ZNF600: variants seen among roughly 807,000 people sequenced by gnomAD.
The protein encoded by ZNF600 is zinc finger protein KR-ZNF1.
In ZNF600, 4 loss-of-function variants were observed where a neutral mutation model predicts 7.3. The observed-to-expected ratio is 0.55, with a 90% confidence interval of 0.27 to 1.25. ZNF600 has a LOEUF of 1.25. ZNF600 is among the 50% of genes most tolerant of loss of function. ZNF600 has a pLI of 0.12. For missense variants in ZNF600, 911 were observed against 922.1 expected, an observed-to-expected ratio of 0.99 and a Z score of 0.16; for synonymous variants, 290 against 308.9, an observed-to-expected ratio of 0.94 and a Z score of 0.64.
the ZNF600 span, chr19:52,810,741 A>C: frequency 1.5e-6 from 1 of 685,024 alleles, no homozygotes; most frequent in African/African-American, 2.0e-5. Context: ...GAGGAAAAAA[A>C]GAGGAAAGAA....
At chr19:52,831,787 T>G in the ZNF600 span, among the ~76,000 whole-genome samples, 1 of 151,826 alleles carries the variant, frequency 6.6e-6, no homozygotes, top group Non-Finnish European at 1.5e-5. Flanking sequence ...TACAGGCATG[T>G]GCCACTGCTC....
chr19:52,787,285 A>G (rs187274687), upstream of ZNF600, among the ~76,000 whole-genome samples: 13 of 151,938 alleles, frequency 8.6e-5, no homozygotes, highest in African/African-American at 2.4e-4. Flanking sequence ...GGTCCCAGCT[A>G]CTCAGGAAGC....
chr19:52,788,979 G>A (rs920452346), upstream of ZNF600, among the ~76,000 whole-genome samples: 4 of 152,184 alleles, frequency 2.6e-5, no homozygotes, highest in African/African-American at 4.8e-5. Context: ...TCTGCTCTCC[G>A]CTTGGGGACT....
At chr19:52,781,926 G>C (rs1258304380) in intron 1 of ZNF600, among the ~76,000 whole-genome samples, 2 of 152,174 alleles carry the variant, frequency 1.3e-5, no homozygotes, top group East Asian at 3.9e-4. Context: ...CCAGGCGTAG[G>C]GGTGTATGCC....
chr19:52,778,835 A>G (rs1262838739), exon 2 of ZNF600: 1 of 1,607,560 alleles, frequency 6.2e-7, no homozygotes. Flanking sequence ...CCTGAGGAAG[A>G]GCCATGCCTG....
At chr19:52,810,025 A>T in the ZNF600 span, 1 of 745,154 alleles carries the variant, frequency 1.3e-6, no homozygotes, top group Non-Finnish European at 2.4e-6. Context: ...CCGGAGCCCG[A>T]AGAGGAGCCG....
chr19:52,785,324 A>C, intron 1 of ZNF600, among the ~76,000 whole-genome samples: 1 of 149,952 alleles, frequency 6.7e-6, no homozygotes. Flanking sequence ...CTTGGCTCTC[A>C]CCGCAACCTC....
chr19:52,799,312 A>G, the ZNF600 span: 16 of 430,734 alleles, frequency 3.7e-5, no homozygotes, highest in African/African-American at 3.0e-4. Context: ...TTTGCCAGGT[A>G]TGAATTATAT....
the ZNF600 span, chr19:52,817,815 G>A: frequency 6.4e-7 from 1 of 1,552,184 alleles, no homozygotes; most frequent in Non-Finnish European, 8.8e-7. Flanking sequence ...TGAACTGAAG[G>A]AAGGCATGGG....
chr19:52,810,363 C>T, the ZNF600 span: 1 of 1,604,854 alleles, frequency 6.2e-7, no homozygotes, highest in Non-Finnish European at 8.5e-7. Flanking sequence ...GCTGGAAGCT[C>T]ACTTTCATGG....
the ZNF600 span, among the ~76,000 whole-genome samples, chr19:52,803,894 T>C: frequency 2.0e-5 from 3 of 152,010 alleles, no homozygotes; most frequent in Non-Finnish European, 4.4e-5. Flanking sequence ...AAGGTGAAGG[T>C]TGCAGTGAGC....
the ZNF600 span, among the ~76,000 whole-genome samples, chr19:52,828,946 T>C: frequency 0.47 from 70,690 of 151,716 alleles, 17,926 homozygotes; most frequent in Non-Finnish European, 0.58. Flanking sequence ...ATGCAAGCTC[T>C]GCCTCCCAGA....
At chr19:52,783,995 A>G (rs1313912199) in intron 1 of ZNF600, among the ~76,000 whole-genome samples, 1 of 152,126 alleles carries the variant, frequency 6.6e-6, no homozygotes, top group Non-Finnish European at 1.5e-5. Context: ...GAATCGCTTC[A>G]ACCCTAAAGG....
the ZNF600 span, among the ~76,000 whole-genome samples, chr19:52,804,235 C>G: frequency 6.6e-6 from 1 of 152,208 alleles, no homozygotes; most frequent in Non-Finnish European, 1.5e-5. Flanking sequence ...TTGGATTTCC[C>G]ACTTTCCAAA....
chr19:52,785,641 T>C (rs916479406), intron 1 of ZNF600, among the ~76,000 whole-genome samples: 1 of 152,112 alleles, frequency 6.6e-6, no homozygotes, highest in Admixed American at 6.6e-5. Flanking sequence ...CTCCGTCTCC[T>C]CTGCTCTCCC....
upstream of ZNF600, chr19:52,786,921 T>C (rs891071366): frequency 7.4e-5 from 12 of 162,136 alleles, no homozygotes; most frequent in Middle Eastern, 3.0e-3. Context: ...AGCCTCGCAC[T>C]CAGCGCCTCT....
intron 3 of ZNF600, among the ~76,000 whole-genome samples, chr19:52,769,156 C>G (rs1336650649): frequency 6.6e-6 from 1 of 152,050 alleles, no homozygotes; most frequent in Admixed American, 6.5e-5. Context: ...CTTAGCAGAC[C>G]GGGAAAGGGA....
intron 2 of ZNF600, among the ~76,000 whole-genome samples, chr19:52,775,114 C>T (rs1380927131): frequency 6.6e-6 from 1 of 152,078 alleles, no homozygotes; most frequent in African/African-American, 2.4e-5. Context: ...GTGGCAGGCA[C>T]CTGTAATCCC....
the ZNF600 span, among the ~76,000 whole-genome samples, chr19:52,827,153 G>C: frequency 6.6e-6 from 1 of 150,724 alleles, no homozygotes; most frequent in Non-Finnish European, 1.5e-5. Context: ...GGTAATGTGT[G>C]GATCACTTGA....
Sources: gnomAD v4.1 joint callset for allele counts (sites outside exome capture counted in the v4.1 genomes callset) on GRCh38, gnomAD v4.1.1 for gene constraint, MANE v1.5 for transcripts, NCBI Gene and HGNC (gene_info 2026-07-23, HGNC 2026-07-21) for gene names.